TRAF3IP1: variants seen among roughly 807,000 people sequenced by gnomAD.
TRAF3IP1 encodes intraflagellar transport 54.
In TRAF3IP1, 53 loss-of-function variants were observed where a neutral mutation model predicts 89.9. The observed-to-expected ratio is 0.59, with a 90% confidence interval of 0.47 to 0.74. TRAF3IP1 has a LOEUF of 0.74. Among genes scored for constraint, TRAF3IP1 ranks in the 30% least tolerant of loss-of-function variants. The probability of loss-of-function intolerance (pLI) is 0.00; values close to 1 mark genes in which losing one functional copy is unlikely to be tolerated. For missense variants in TRAF3IP1, 806 were observed against 866.1 expected (o/e 0.93, Z 0.87); for synonymous variants, 311 against 322.1 (o/e 0.97, Z 0.37).
Position 238,349,552 on chromosome 2 carries a change from G to A in TRAF3IP1, c.1451+144G>A, listed in dbSNP as rs978322784. Reference sequence around the variant, plus strand: ...GAACAAAAAGTGAGGGTAGGCCCTCGCCTCACACCATAGGCCAACAGACAT... The same window carrying A: ...GAACAAAAAGTGAGGGTAGGCCCTCACCTCACACCATAGGCCAACAGACAT... On this transcript the variant is annotated intron_variant, in intron 12 of 16. Transcript: ENST00000373327. 8.0e-6 allele frequency: 6 copies of A among 751,778 alleles called. No homozygotes were observed. The Admixed American group carries it at 1.2e-4, about 16-fold the overall frequency. The allele number at this position is 751,778 out of a possible 1,614,324, so 46.6% of individuals were successfully genotyped here.
intron 1 of TRAF3IP1, among the ~76,000 whole-genome samples, chr2:238,321,631 A>T (rs1015211942): frequency 2.0e-5 from 3 of 152,164 alleles, no homozygotes; most frequent in Non-Finnish European, 2.9e-5. Context: ...GTACATAGAA[A>T]TTGCACAACA....
At chr2:238,348,584 A>G (rs1699005747) in intron 10 of TRAF3IP1, among the ~76,000 whole-genome samples, 180 bp from the exon 11 acceptor site, 1 of 152,194 alleles carries the variant, frequency 6.6e-6, no homozygotes. Flanking sequence ...CTGAGTTTAG[A>G]TATCAGACAT....
At chr2:238,366,555 A>G (rs1385131230) in intron 15 of TRAF3IP1, among the ~76,000 whole-genome samples, 6 of 152,200 alleles carry the variant, frequency 3.9e-5, no homozygotes, top group Non-Finnish European at 8.8e-5. Flanking sequence ...CTTCTGGTTC[A>G]TGATTACTCA....
At chr2:238,368,731 C>T (rs556675076) in intron 15 of TRAF3IP1, among the ~76,000 whole-genome samples, 12 of 152,070 alleles carry the variant, frequency 7.9e-5, no homozygotes, top group African/African-American at 2.7e-4. Flanking sequence ...AGTGCAATGG[C>T]GTGATCTCGG....
At chr2:238,339,811 G>GC (rs1389132039) in intron 8 of TRAF3IP1, among the ~76,000 whole-genome samples, 1 of 152,266 alleles carries the variant, frequency 6.6e-6, no homozygotes. Flanking sequence ...GGGCGAGACA[G>GC]CGCTCATCCT....
intron 8 of TRAF3IP1, among the ~76,000 whole-genome samples, chr2:238,340,846 TAGAGAGAG>T (rs67240549): frequency 0.026 from 3,966 of 150,342 alleles, 135 homozygotes; most frequent in African/African-American, 0.073. Context: ...TATATATATA[TAGAGAGAG>T]AGAGACAGAG....
chr2:238,328,448 T>C (rs2106362892), intron 3 of TRAF3IP1, among the ~76,000 whole-genome samples: 1 of 152,338 alleles, frequency 6.6e-6, no homozygotes, highest in Non-Finnish European at 1.5e-5. Context: ...TGAACCAGGA[T>C]TCATTTAGCT....
intron 3 of TRAF3IP1, among the ~76,000 whole-genome samples, chr2:238,326,489 C>G (rs1697839057): frequency 1.3e-5 from 2 of 152,140 alleles, no homozygotes; most frequent in African/African-American, 4.8e-5. Context: ...GTTGCTGTTT[C>G]AGTTGTACGG....
intron 1 of TRAF3IP1, among the ~76,000 whole-genome samples, chr2:238,323,077 C>G (rs1428876232): frequency 7.2e-6 from 1 of 139,266 alleles, no homozygotes; most frequent in Non-Finnish European, 1.5e-5. Flanking sequence ...AGTTATTGTT[C>G]ACAATTTTTT....
At chr2:238,326,109 C>A in intron 3 of TRAF3IP1, 139 bp downstream of exon 3, 1 of 749,376 alleles carries the variant, frequency 1.3e-6, no homozygotes, top group Non-Finnish European at 2.1e-6. Flanking sequence ...TGAATCTGAT[C>A]CCACCCCTTC....
rs1701031273 is a variant in TRAF3IP1, at chr2:238,392,403, AC to A, written c.1690-5055del. Among the ~76,000 whole-genome samples the A allele has an allele frequency of 2.0e-5, 3 of 151,382 alleles. No homozygotes were observed. In the South Asian group the frequency reaches 6.3e-4, roughly 32 times the overall value. On this transcript the variant is annotated intron_variant, in intron 15 of 16. Transcript: ENST00000373327. The stretch of plus-strand genomic sequence containing the variant: ...GCCACACCCTCTTCCCCCACCTCGA[AC>A]TCTTCCTTCACCCCCAGCTACCACC...
intron 9 of TRAF3IP1, 70 bp downstream of exon 9, chr2:238,344,668 G>C: frequency 7.3e-7 from 1 of 1,368,640 alleles, no homozygotes; most frequent in Non-Finnish European, 1.0e-6. Context: ...TCTTCTCAAA[G>C]GGCCGCAGCC....
intron 15 of TRAF3IP1, among the ~76,000 whole-genome samples, chr2:238,383,252 G>A (rs1270060743): frequency 3.3e-5 from 5 of 152,004 alleles, no homozygotes; most frequent in Admixed American, 1.3e-4. Context: ...TTGGTGTCTC[G>A]GCAACTTGAA....
At chr2:238,338,645 CTT>C (rs1257058553) in intron 8 of TRAF3IP1, among the ~76,000 whole-genome samples, 188 bp downstream of exon 8, 6 of 152,182 alleles carry the variant, frequency 3.9e-5, no homozygotes, top group African/African-American at 1.2e-4. Context: ...AGTTATGTAA[CTT>C]TATTAACTCA....
chr2:238,362,639 T>A (rs560874523), intron 15 of TRAF3IP1, among the ~76,000 whole-genome samples: 7 of 152,360 alleles, frequency 4.6e-5, no homozygotes, highest in South Asian at 4.1e-4. Flanking sequence ...ACTTATATTA[T>A]GTTGGCTAGA....
intron 15 of TRAF3IP1, among the ~76,000 whole-genome samples, chr2:238,395,288 T>G (rs1701161916): frequency 6.6e-6 from 1 of 152,184 alleles, no homozygotes; most frequent in Non-Finnish European, 1.5e-5. Flanking sequence ...GGGGAAATGT[T>G]TCCCTATTTA....
At chr2:238,335,301 A>G (rs1309480797) in intron 7 of TRAF3IP1, among the ~76,000 whole-genome samples, 34 of 152,184 alleles carry the variant, frequency 2.2e-4, no homozygotes, top group Non-Finnish European at 4.4e-5. Flanking sequence ...TCTTACTTTA[A>G]TTCATGGTAT....
chr2:238,365,328 C>T (rs1042426854), intron 15 of TRAF3IP1, among the ~76,000 whole-genome samples: 3 of 151,998 alleles, frequency 2.0e-5, no homozygotes, highest in Non-Finnish European at 4.4e-5. Flanking sequence ...TGGATTTTTC[C>T]TTTGCTAGGA....
chr2:238,393,079 G>A lies in TRAF3IP1; in HGVS notation c.1690-4380G>A, dbSNP rs540001731. 7.9e-5 allele frequency among the ~76,000 whole-genome samples: 12 copies of A among 152,336 alleles called. No homozygotes were observed. The South Asian group carries it at 2.5e-3, about 32-fold the overall frequency. ...ATAAGTGTCCAGGAGTACAACTGTT[G>A]GTTGATACTGTAGTTGCATGTTTAG... On this transcript the variant is annotated intron_variant, in intron 15 of 16. Transcript: ENST00000373327.
Sources: gnomAD v4.1 joint callset for allele counts (sites outside exome capture counted in the v4.1 genomes callset) on GRCh38, gnomAD v4.1.1 for gene constraint, MANE v1.5 for transcripts, NCBI Gene and HGNC (gene_info 2026-07-23, HGNC 2026-07-21) for gene names.